GPR137C: variants seen among roughly 807,000 people sequenced by gnomAD.
The protein encoded by GPR137C is G protein-coupled receptor 137C, also known as integral membrane protein GPR137C.
Under a neutral mutation model 43.4 loss-of-function variants are expected in GPR137C, and 27 were observed. The ratio of observed to expected loss-of-function variants is 0.62; its 90% confidence interval spans 0.46 to 0.86. The LOEUF (loss-of-function observed/expected upper bound fraction) is 0.86. GPR137C is among the 40% of genes least tolerant of loss of function. The pLI, the probability that GPR137C is intolerant of heterozygous loss-of-function variation, is 0.00. For missense variants in GPR137C, 522 were observed against 534.6 expected (o/e 0.98, Z 0.23); for synonymous variants, 285 against 226.9 (o/e 1.26, Z -2.30).
chr14:52,633,065 T>C (rs1232907360), intron 4 of GPR137C, among the ~76,000 whole-genome samples: 1 of 152,218 alleles, frequency 6.6e-6, no homozygotes, highest in East Asian at 1.9e-4. Context: ...CAACATCTGA[T>C]AGAACAGAAA....
chr14:52,615,719 T>C (rs2039091240), intron 3 of GPR137C, among the ~76,000 whole-genome samples: 1 of 152,220 alleles, frequency 6.6e-6, no homozygotes, highest in South Asian at 2.1e-4. Context: ...ATTTTATTTG[T>C]GGCTATTATA....
At chr14:52,580,016 C>A (rs1219750439) in intron 1 of GPR137C, among the ~76,000 whole-genome samples, 1 of 152,166 alleles carries the variant, frequency 6.6e-6, no homozygotes, top group Non-Finnish European at 1.5e-5. Flanking sequence ...TTTCCAAATG[C>A]CAGCCACAGG....
rs78538300 is a variant in GPR137C at position 52,632,946 on chromosome 14, T to A, written c.868-584T>A. Among the ~76,000 whole-genome samples, 902 of 152,252 alleles carry A rather than the reference T, an allele frequency of 5.9e-3. 9 individuals carry two copies. Among genetic ancestry groups the A allele is most frequent in the African/African-American group, 0.021 (861 of 41,572 alleles). On this transcript the variant is annotated intron_variant, in intron 4 of 6. Coordinates refer to ENST00000321662, the MANE Select transcript of GPR137C (RefSeq NM_001099652.2). ...TAGTAATTTAGCTTTGTACTGAATT[T>A]AAGGGTTCCGGGAATACTATTTTTC... is the stretch of plus-strand genomic sequence containing the variant.
chr14:52,564,670 A>T (rs968367099), intron 1 of GPR137C, among the ~76,000 whole-genome samples: 44 of 152,068 alleles, frequency 2.9e-4, no homozygotes, highest in African/African-American at 1.1e-3. Flanking sequence ...GGAATTTTAT[A>T]TTTGTGTGAC....
At chr14:52,555,988 C>T (rs2038186313) in intron 1 of GPR137C, among the ~76,000 whole-genome samples, 1 of 152,052 alleles carries the variant, frequency 6.6e-6, no homozygotes, top group Admixed American at 6.5e-5. Flanking sequence ...AGTATACTTC[C>T]CATTGATCAT....
At chr14:52,600,080 A>G (rs895427353) in intron 2 of GPR137C, 33 bp from the exon 3 acceptor site, 1 of 1,363,472 alleles carries the variant, frequency 7.3e-7, no homozygotes, top group Non-Finnish European at 1.0e-6. Context: ...CTTATTAGTT[A>G]TATAACCATC....
intron 1 of GPR137C, among the ~76,000 whole-genome samples, chr14:52,562,852 A>G (rs552029823): frequency 6.6e-6 from 1 of 152,346 alleles, no homozygotes; most frequent in Non-Finnish European, 1.5e-5. Flanking sequence ...AACAGGATAA[A>G]TCCAAAGGAG....
chr14:52,592,222 C>T (rs979187858), intron 1 of GPR137C, among the ~76,000 whole-genome samples: 9 of 152,194 alleles, frequency 5.9e-5, no homozygotes, highest in Admixed American at 5.9e-4. Context: ...GTTTTGGTTA[C>T]TGTAGCCTTA....
chr14:52,633,875 C>T lies in GPR137C; in HGVS notation c.1041C>T (p.Tyr347=), dbSNP rs1462980971. ...GTCACAGTTATAGTTCCAGAGCTTA[C>T]TTTTTCGACAATCCAAGACGATATG... The part of the protein sequence containing the change: ...INSHSYSSRA[Y]FFDNPRRYDS... The change falls in exon 6 of 7, where the codon TAC becomes TAT. Residue 347 remains tyrosine, a synonymous_variant. Transcript: ENST00000321662. 1 of 1,612,896 alleles carries T rather than the reference C, an allele frequency of 6.2e-7. No homozygotes were observed. Among genetic ancestry groups the T allele is most frequent in the East Asian group, 2.2e-5 (1 of 44,870 alleles).
At chr14:52,602,149 G>A (rs1202276188) in intron 3 of GPR137C, among the ~76,000 whole-genome samples, 3 of 150,882 alleles carry the variant, frequency 2.0e-5, no homozygotes, top group Non-Finnish European at 4.4e-5. Flanking sequence ...ATAAACTTCT[G>A]TATTCAAAGA....
At chr14:52,634,332 A>C (rs1307467596) in intron 6 of GPR137C, among the ~76,000 whole-genome samples, 1 of 152,080 alleles carries the variant, frequency 6.6e-6, no homozygotes. Context: ...GGGAAGCTTA[A>C]TTGCCATAGG....
chr14:52,602,727 C>G (rs1444886104), intron 3 of GPR137C, among the ~76,000 whole-genome samples: 3 of 152,090 alleles, frequency 2.0e-5, no homozygotes, highest in African/African-American at 4.8e-5. Flanking sequence ...AAATAACTCA[C>G]TATCTGAATT....
intron 3 of GPR137C, 131 bp downstream of exon 3, chr14:52,600,472 G>T (rs1192690182): frequency 9.9e-6 from 6 of 604,742 alleles, no homozygotes; most frequent in Admixed American, 3.1e-5. Context: ...ACAGGGTCTC[G>T]CCATATTAGT....
At chr14:52,571,241 GTAAA>G (rs1188002206) in intron 1 of GPR137C, among the ~76,000 whole-genome samples, 8 of 152,160 alleles carry the variant, frequency 5.3e-5, no homozygotes, top group Admixed American at 2.0e-4. Context: ...TGACAACTGG[GTAAA>G]TAACAAAATG....
intron 3 of GPR137C, among the ~76,000 whole-genome samples, chr14:52,626,220 A>G (rs1052345149): frequency 1.3e-5 from 2 of 152,174 alleles, no homozygotes; most frequent in Admixed American, 1.3e-4. Flanking sequence ...GGACCAATCC[A>G]TGGATACTGA....
At position 52,553,115 on chromosome 14, in the gene GPR137C, C is replaced by G. The variant is rs2038106030; in HGVS notation, c.-33C>G. On this transcript the variant is annotated 5_prime_UTR_variant, in exon 1 of 7. Transcript: ENST00000321662. ...CGGCTCCGAGTCCAGCCCCTTCCTT[C>G]CCGCGCTCGCTCGCCCGGCCCCCAG... 8.8e-7 allele frequency: 1 copy of G among 1,140,522 alleles called. No homozygotes were observed. Among genetic ancestry groups the G allele is most frequent in the South Asian group, 4.3e-5 (1 of 23,100 alleles). 70.7% of individuals were successfully genotyped at this position (1,140,522 alleles called of 1,614,324 possible). A position where few individuals can be genotyped will look rare whatever the true frequency, so the allele number is the denominator to read the frequency against.
rs75518816 is a variant in GPR137C, at chr14:52,619,725, T to A, written c.718-12435T>A. On this transcript the variant is annotated intron_variant, in intron 3 of 6. Coordinates refer to ENST00000321662, the MANE Select transcript of GPR137C (RefSeq NM_001099652.2). ...CAGATAGCCCACCCAGTAAAAGCCA[T>A]CCACTCCATAATGTCAGGGTCATAG... 4.2e-3 allele frequency among the ~76,000 whole-genome samples: 640 copies of A among 152,208 alleles called. 10 individuals are homozygous for A. Among genetic ancestry groups the A allele is most frequent in the Admixed American group, 0.035 (529 of 15,258 alleles).
intron 3 of GPR137C, among the ~76,000 whole-genome samples, chr14:52,618,712 A>G (rs1008607922): frequency 6.8e-4 from 103 of 152,312 alleles, no homozygotes; most frequent in African/African-American, 2.3e-3. Context: ...TTATTCTAAC[A>G]TTATTTTCCA....
chr14:52,574,601 A>G (rs960915601), intron 1 of GPR137C, among the ~76,000 whole-genome samples: 27 of 152,170 alleles, frequency 1.8e-4, no homozygotes, highest in African/African-American at 6.3e-4. Context: ...ATTAGGAGAG[A>G]TACCTAATGT....
Sources: allele counts gnomAD v4.1 joint callset (sites outside exome capture counted in the v4.1 genomes callset), GRCh38; gene constraint gnomAD v4.1.1; transcripts MANE v1.5; gene names NCBI Gene and HGNC (gene_info 2026-07-23, HGNC 2026-07-21).